The following UNC5C variants were observed in gnomAD, a reference collection of about 807,000 sequenced individuals.
UNC5C encodes the protein unc-5 netrin receptor C.
A neutral mutation model predicts 99.8 loss-of-function variants in UNC5C; 47 were observed. That is an observed-to-expected ratio of 0.47 (90% CI 0.37 to 0.60). The LOEUF is 0.60. Ranked by LOEUF, UNC5C falls within the 20% of genes least tolerant of loss-of-function variation. UNC5C has a pLI of 0.00. For synonymous variants in UNC5C, 487 were observed against 452.2 expected (o/e 1.08, Z -0.98); for missense variants, 1,062 against 1,165.9 (o/e 0.91, Z 1.30).
intron 1 of UNC5C, among the ~76,000 whole-genome samples, chr4:95,467,426 T>C (rs1747817805): frequency 1.3e-5 from 2 of 151,824 alleles, no homozygotes. Context: ...AGAGAGAGAA[T>C]GGGGCTGGGA....
intron 1 of UNC5C, among the ~76,000 whole-genome samples, chr4:95,404,381 C>A (rs185009292): frequency 1.6e-3 from 240 of 152,170 alleles, no homozygotes; most frequent in African/African-American, 5.3e-3. Context: ...ATCGCTCTCC[C>A]TTTTTAAAAG....
intron 1 of UNC5C, among the ~76,000 whole-genome samples, chr4:95,388,934 T>C (rs1031674839): frequency 6.6e-6 from 1 of 152,142 alleles, no homozygotes; most frequent in East Asian, 1.9e-4. Flanking sequence ...ATATATTATA[T>C]ATAAAAGTGT....
At chr4:95,389,378 T>C (rs1269930633) in intron 1 of UNC5C, among the ~76,000 whole-genome samples, 1 of 152,136 alleles carries the variant, frequency 6.6e-6, no homozygotes, top group Non-Finnish European at 1.5e-5. Flanking sequence ...CATTGCAAAA[T>C]AAAGCACTAG....
chr4:95,192,843 G>C lies in UNC5C; in HGVS notation c.2137-7647C>G, dbSNP rs147121661. Among the ~76,000 whole-genome samples the C allele has an allele frequency of 2.4e-3, 365 of 152,278 alleles. 1 individual carries two copies. Among genetic ancestry groups the C allele is most frequent in the Non-Finnish European group, 4.2e-3 (289 of 68,032 alleles). ...CTCAAGGCATGTGTTATGCCTTCCA[G>C]TTTTTCAAGGGGCAGTTATGCTATT... On this transcript the variant is annotated intron_variant, in intron 12 of 15. Coordinates refer to ENST00000453304, the MANE Select transcript of UNC5C (RefSeq NM_003728.4).
Position 95,258,746 on chromosome 4 carries a change from C to CTTTTTTTTTTTTTTTTTTTTTTTTT in UNC5C, c.595-8104_595-8080dup, listed in dbSNP as rs775570031. On this transcript the variant is annotated intron_variant, in intron 4 of 15. Coordinates refer to ENST00000453304, the MANE Select transcript of UNC5C (RefSeq NM_003728.4). ...ACTATGTGTAATCGACCATCTTATT[C>CTTTTTTTTTTTTTTTTTTTTTTTTT]TTTTTTTTTTTTTTTTTTTTTTTTT... Among the ~76,000 whole-genome samples the CTTTTTTTTTTTTTTTTTTTTTTTTT allele has an allele frequency of 2.8e-4, 21 of 76,042 alleles. 2 individuals are homozygous for CTTTTTTTTTTTTTTTTTTTTTTTTT. The highest frequency in any genetic ancestry group is 4.4e-4 in the Non-Finnish European group (16 of 36,516). 49.9% of individuals were successfully genotyped at this position (76,042 alleles called of 152,430 possible).
At chr4:95,300,518 T>C (rs1741828495) in intron 3 of UNC5C, among the ~76,000 whole-genome samples, 1 of 152,212 alleles carries the variant, frequency 6.6e-6, no homozygotes, top group South Asian at 2.1e-4. Context: ...AGAGAAGCTT[T>C]ATCTTGGTAA....
At chr4:95,278,391 T>C (rs936886483) in intron 3 of UNC5C, 29 bp from the exon 4 acceptor site, 1 of 1,564,950 alleles carries the variant, frequency 6.4e-7, no homozygotes, top group African/African-American at 1.4e-5. Flanking sequence ...AAAATACATG[T>C]CAAAATTAAA....
intron 3 of UNC5C, among the ~76,000 whole-genome samples, chr4:95,291,761 TTTA>T (rs1330125159): frequency 6.6e-6 from 1 of 152,102 alleles, no homozygotes; most frequent in African/African-American, 2.4e-5. Flanking sequence ...TATTAATTAA[TTTA>T]TTGTTTAAAT....
intron 1 of UNC5C, among the ~76,000 whole-genome samples, chr4:95,522,587 G>T (rs1722388580): frequency 6.6e-6 from 1 of 152,000 alleles, no homozygotes; most frequent in Non-Finnish European, 1.5e-5. Context: ...AAAATCAATG[G>T]TGAAAAGAAA....
chr4:95,503,108 G>A (rs979310796), intron 1 of UNC5C, among the ~76,000 whole-genome samples: 2 of 152,070 alleles, frequency 1.3e-5, no homozygotes, highest in Non-Finnish European at 2.9e-5. Context: ...CTATATAACA[G>A]TATTGACAGG....
rs537589280 is a variant in UNC5C, at chr4:95,399,758, A to C, written c.125-64127T>G. 3.3e-5 allele frequency among the ~76,000 whole-genome samples: 5 copies of C among 152,242 alleles called. No homozygotes were observed. In the South Asian group the frequency reaches 1.0e-3, roughly 32 times the overall value. The stretch of plus-strand genomic sequence containing the variant: ...CACCAACTTCAAAGTACTTTTTCTT[A>C]TTCTCTTTTATAGCACCAGAGTGGA... On this transcript the variant is annotated intron_variant, in intron 1 of 15. Coordinates refer to ENST00000453304, the MANE Select transcript of UNC5C (RefSeq NM_003728.4).
At chr4:95,402,150 A>G (rs918413653) in intron 1 of UNC5C, among the ~76,000 whole-genome samples, 1 of 152,152 alleles carries the variant, frequency 6.6e-6, no homozygotes, top group Non-Finnish European at 1.5e-5. Flanking sequence ...ATTTAAATCC[A>G]CTTCTACCTA....
At chr4:95,548,531 GATA>G (rs1311894036) in intron 1 of UNC5C, among the ~76,000 whole-genome samples, 200 bp downstream of exon 1, 2 of 151,884 alleles carry the variant, frequency 1.3e-5, no homozygotes, top group Non-Finnish European at 2.9e-5. Context: ...CATCTCAGAA[GATA>G]GATTAAACAT....
At chr4:95,476,124 T>G (rs896984325) in intron 1 of UNC5C, among the ~76,000 whole-genome samples, 13 of 152,244 alleles carry the variant, frequency 8.5e-5, no homozygotes, top group African/African-American at 2.6e-4. Flanking sequence ...AATATATCAT[T>G]TGATCTAACT....
chr4:95,428,149 G>A (rs1054606766), intron 1 of UNC5C, among the ~76,000 whole-genome samples: 4 of 150,686 alleles, frequency 2.7e-5, no homozygotes, highest in Non-Finnish European at 5.9e-5. Context: ...GGAGTGTGAT[G>A]TTCATAACTG....
intron 1 of UNC5C, among the ~76,000 whole-genome samples, chr4:95,485,809 C>T (rs186601851): frequency 5.5e-4 from 83 of 151,782 alleles, no homozygotes; most frequent in Admixed American, 1.8e-3. Flanking sequence ...AGGTAGGGTT[C>T]TATAAACTAC....
At chr4:95,259,407 A>G (rs1208489995) in intron 4 of UNC5C, among the ~76,000 whole-genome samples, 1 of 152,224 alleles carries the variant, frequency 6.6e-6, no homozygotes, top group African/African-American at 2.4e-5. Flanking sequence ...AAATGGTGTT[A>G]ATCTAAAAAC....
At chr4:95,182,552 G>T (rs942045678) in intron 14 of UNC5C, among the ~76,000 whole-genome samples, 2 of 152,084 alleles carry the variant, frequency 1.3e-5, no homozygotes, top group Admixed American at 1.3e-4. Context: ...AACATGGCAC[G>T]CTAAGGGATG....
At chr4:95,361,967 TTA>T (rs113887749) in intron 1 of UNC5C, among the ~76,000 whole-genome samples, 7 of 149,636 alleles carry the variant, frequency 4.7e-5, no homozygotes, top group South Asian at 2.1e-4. Context: ...CTATTATCTA[TTA>T]TATATATATA....
Sources: gnomAD v4.1 joint callset for allele counts (sites outside exome capture counted in the v4.1 genomes callset) on GRCh38, gnomAD v4.1.1 for gene constraint, MANE v1.5 for transcripts, NCBI Gene and HGNC (gene_info 2026-07-23, HGNC 2026-07-21) for gene names.